The following PAPPA variants were observed in gnomAD, a reference collection of about 807,000 sequenced individuals.
PAPPA encodes the protein pappalysin-1.
In PAPPA, 60 loss-of-function variants were observed where a neutral mutation model predicts 164.0. The observed-to-expected ratio is 0.37, with a 90% confidence interval of 0.30 to 0.45. The LOEUF (loss-of-function observed/expected upper bound fraction) is 0.45. PAPPA is among the 20% of genes least tolerant of loss of function. PAPPA has a pLI of 1.00. For missense variants in PAPPA, 1,782 were observed against 2,087.3 expected (o/e 0.85, Z 2.85); for synonymous variants, 875 against 814.1 (o/e 1.07, Z -1.27).
chr9:116,205,478 AG>A (rs1265045655), intron 2 of PAPPA, among the ~76,000 whole-genome samples: 1 of 152,178 alleles, frequency 6.6e-6, no homozygotes, highest in Non-Finnish European at 1.5e-5. Context: ...TTATGTGGAA[AG>A]GGCTGATCCA....
intron 5 of PAPPA, among the ~76,000 whole-genome samples, chr9:116,224,823 A>G (rs1844485259): frequency 6.6e-6 from 1 of 152,194 alleles, no homozygotes; most frequent in Non-Finnish European, 1.5e-5. Flanking sequence ...ATTTTCATGA[A>G]ACCCAAGTAA....
At chr9:116,285,167 C>CTTTGTTT (rs1177249949) in intron 9 of PAPPA, among the ~76,000 whole-genome samples, 1 of 90,098 alleles carries the variant, frequency 1.1e-5, no homozygotes, top group Non-Finnish European at 2.2e-5. Context: ...TCTTTTCTTT[C>CTTTGTTT]TTTCTTTTTT....
chr9:116,159,376 G>A (rs1843638206), intron 1 of PAPPA, among the ~76,000 whole-genome samples: 1 of 152,112 alleles, frequency 6.6e-6, no homozygotes, highest in Admixed American at 6.5e-5. Context: ...CAAAAAGTGG[G>A]GCCTGTTTGT....
intron 2 of PAPPA, among the ~76,000 whole-genome samples, chr9:116,189,300 G>T (rs1164419207): frequency 6.6e-6 from 1 of 152,144 alleles, no homozygotes; most frequent in African/African-American, 2.4e-5. Flanking sequence ...AAAAGAAAAT[G>T]GATGACTTAA....
chr9:116,265,764 T>G, intron 7 of PAPPA, 93 bp from the exon 8 acceptor site: 1 of 1,007,904 alleles, frequency 9.9e-7, no homozygotes, highest in South Asian at 1.6e-5. Context: ...TGAGCAAGAC[T>G]GATAGAACCT....
chr9:116,313,086 A>G (rs1428208880), intron 10 of PAPPA, among the ~76,000 whole-genome samples: 1 of 149,678 alleles, frequency 6.7e-6, no homozygotes, highest in Non-Finnish European at 1.5e-5. Flanking sequence ...CCATCTCAAA[A>G]AAAAAAAAAA....
At chr9:116,177,399 G>T (rs1056782883) in intron 1 of PAPPA, among the ~76,000 whole-genome samples, 1 of 152,128 alleles carries the variant, frequency 6.6e-6, no homozygotes, top group African/African-American at 2.4e-5. Context: ...TAAGCATTTT[G>T]TCAACTTAAT....
chr9:116,383,593 G>A (rs1846762260), intron 21 of PAPPA, among the ~76,000 whole-genome samples: 2 of 152,188 alleles, frequency 1.3e-5, no homozygotes, highest in Admixed American at 1.3e-4. Context: ...ACATCCTTAG[G>A]AGAGTTGGTT....
chr9:116,338,380 A>G (rs1343533161), intron 13 of PAPPA, among the ~76,000 whole-genome samples: 3 of 152,042 alleles, frequency 2.0e-5, no homozygotes, highest in Non-Finnish European at 1.5e-5. Flanking sequence ...AGTTCTTCAC[A>G]TGGCTAGATT....
intron 15 of PAPPA, among the ~76,000 whole-genome samples, chr9:116,351,351 G>A (rs1188843921): frequency 6.6e-6 from 1 of 152,242 alleles, no homozygotes; most frequent in African/African-American, 2.4e-5. Flanking sequence ...AGGAAAGTGG[G>A]AGGAAGCAGG....
At chr9:116,326,593 C>G (rs188682532) in intron 10 of PAPPA, among the ~76,000 whole-genome samples, 2 of 149,566 alleles carry the variant, frequency 1.3e-5, no homozygotes, top group Admixed American at 1.3e-4. Context: ...GGGAAGAGCA[C>G]ACCGTGAGAT....
intron 9 of PAPPA, among the ~76,000 whole-genome samples, chr9:116,288,289 A>C (rs1185623799): frequency 6.6e-5 from 10 of 152,090 alleles, no homozygotes; most frequent in Non-Finnish European, 1.5e-4. Flanking sequence ...GAATCGCTTG[A>C]ACCCGAGAGG....
intron 9 of PAPPA, chr9:116,287,018 G>A (rs904589862): frequency 6.6e-6 from 1 of 152,168 alleles, no homozygotes; most frequent in African/African-American, 2.4e-5. Flanking sequence ...TAGGGCATCC[G>A]AGAGAGAATC....
intron 21 of PAPPA, among the ~76,000 whole-genome samples, chr9:116,391,365 C>G (rs1846890592): frequency 6.6e-6 from 1 of 152,152 alleles, no homozygotes; most frequent in Admixed American, 6.5e-5. Flanking sequence ...GTGAAGTGAC[C>G]TGCCAGTGAT....
chr9:116,298,497 C>A (rs985330415), intron 9 of PAPPA, among the ~76,000 whole-genome samples: 1 of 152,134 alleles, frequency 6.6e-6, no homozygotes, highest in Non-Finnish European at 1.5e-5. Context: ...GGGAAGATGG[C>A]GTGGGATGGA....
intron 19 of PAPPA, among the ~76,000 whole-genome samples, chr9:116,370,150 C>A (rs1846554248): frequency 6.6e-6 from 1 of 152,192 alleles, no homozygotes; most frequent in African/African-American, 2.4e-5. Flanking sequence ...CCAGCTGCTG[C>A]CACTTTTATC....
At chr9:116,289,733 C>T (rs1845412684) in intron 9 of PAPPA, among the ~76,000 whole-genome samples, 1 of 152,144 alleles carries the variant, frequency 6.6e-6, no homozygotes, top group Non-Finnish European at 1.5e-5. Context: ...CTTCTATGTA[C>T]TAGTATCTGA....
At chr9:116,289,084 G>A (rs1395005461) in intron 9 of PAPPA, among the ~76,000 whole-genome samples, 6 of 145,116 alleles carry the variant, frequency 4.1e-5, no homozygotes, top group African/African-American at 1.5e-4. Flanking sequence ...ATGACGGGCT[G>A]CTTGTTTTAC....
intron 9 of PAPPA, among the ~76,000 whole-genome samples, chr9:116,293,784 G>A (rs1339384601): frequency 2.6e-5 from 4 of 152,104 alleles, no homozygotes; most frequent in East Asian, 1.9e-4. Context: ...GAGAAACCCC[G>A]TCTCTATTCA....
Sources: gnomAD v4.1 joint callset for allele counts (sites outside exome capture counted in the v4.1 genomes callset) on GRCh38, gnomAD v4.1.1 for gene constraint, MANE v1.5 for transcripts, NCBI Gene and HGNC (gene_info 2026-07-23, HGNC 2026-07-21) for gene names.